DLGAP2: variants seen among roughly 807,000 people sequenced by gnomAD.
DLGAP2 encodes disks large-associated protein 2.
Under a neutral mutation model 100.3 loss-of-function variants are expected in DLGAP2, and 26 were observed. The observed-to-expected ratio is 0.26, with a 90% confidence interval of 0.19 to 0.36. DLGAP2 has a LOEUF of 0.36. Ranked by LOEUF, DLGAP2 falls within the 10% of genes least tolerant of loss-of-function variation. The probability of loss-of-function intolerance (pLI) is 1.00; values close to 1 mark genes in which losing one functional copy is unlikely to be tolerated. For synonymous variants in DLGAP2, 886 were observed against 630.1 expected, an observed-to-expected ratio of 1.41 and a Z score of -6.08; for missense variants, 1,858 against 1,453.2, an observed-to-expected ratio of 1.28 and a Z score of -4.53.
rs1482100738 is a variant in DLGAP2, at chr8:1,227,264, T to C, written c.74-31587T>C. ...CACAGAATGGGATATTATTCAGCCTTATAAAAATAAGATCCTTATGTAATG... is the reference window on the plus strand; with the variant it reads ...CACAGAATGGGATATTATTCAGCCTCATAAAAATAAGATCCTTATGTAATG... On this transcript the variant is annotated intron_variant, in intron 2 of 14. Coordinates refer to ENST00000637795, the MANE Select transcript of DLGAP2 (RefSeq NM_001346810.2). Among the ~76,000 whole-genome samples, 3 of 144,690 alleles carry C rather than the reference T, an allele frequency of 2.1e-5. No homozygotes were observed. In the East Asian group the frequency reaches 5.9e-4, roughly 29 times the overall value. The allele number at this position is 144,690 out of a possible 152,430, so 94.9% of individuals were successfully genotyped here.
intron 2 of DLGAP2, among the ~76,000 whole-genome samples, chr8:1,070,123 A>T (rs914295884): frequency 6.6e-6 from 1 of 152,140 alleles, no homozygotes; most frequent in Non-Finnish European, 1.5e-5. Context: ...AAAACCTGAG[A>T]AGGTTTTGGG....
chr8:1,538,587 G>A (rs568091894), intron 4 of DLGAP2, among the ~76,000 whole-genome samples: 1 of 152,280 alleles, frequency 6.6e-6, no homozygotes, highest in East Asian at 1.9e-4. Flanking sequence ...AACAGATAGG[G>A]AGGGGCTTAT....
chr8:875,553 C>A (rs1797674477), intron 1 of DLGAP2, among the ~76,000 whole-genome samples: 1 of 152,216 alleles, frequency 6.6e-6, no homozygotes, highest in African/African-American at 2.4e-5. Context: ...GCTTCCCCTT[C>A]CACCATGATT....
At chr8:985,302 C>T (rs750618962) in intron 2 of DLGAP2, among the ~76,000 whole-genome samples, 12 of 152,224 alleles carry the variant, frequency 7.9e-5, no homozygotes, top group Non-Finnish European at 1.3e-4. Context: ...GTAGAATGCT[C>T]ACTGTTGGCA....
chr8:1,509,941 G>A (rs527810190), intron 4 of DLGAP2, among the ~76,000 whole-genome samples: 44 of 152,288 alleles, frequency 2.9e-4, no homozygotes, highest in African/African-American at 9.6e-4. Context: ...GGACGCGGCC[G>A]CGGAGAGGAG....
chr8:945,622 G>T (rs971876763), intron 2 of DLGAP2, among the ~76,000 whole-genome samples: 3 of 152,120 alleles, frequency 2.0e-5, no homozygotes, highest in Admixed American at 6.6e-5. Context: ...GTAAGAGTTT[G>T]TTCCCCCAAA....
chr8:1,295,504 G>A (rs935343705), intron 3 of DLGAP2, among the ~76,000 whole-genome samples: 2 of 152,166 alleles, frequency 1.3e-5, no homozygotes, highest in African/African-American at 2.4e-5. Context: ...TGTCCACCGT[G>A]ATCTGCTGGA....
chr8:1,385,750 G>T (rs1320286454), intron 3 of DLGAP2, among the ~76,000 whole-genome samples: 18 of 139,546 alleles, frequency 1.3e-4, no homozygotes, highest in African/African-American at 2.5e-4. Context: ...AGTTACCCCG[G>T]CCTATGCCCA....
At chr8:1,496,695 C>G (rs912165400) in intron 3 of DLGAP2, among the ~76,000 whole-genome samples, 6 of 152,174 alleles carry the variant, frequency 3.9e-5, no homozygotes, top group African/African-American at 1.4e-4. Context: ...AGCCATTTCT[C>G]TGAAGCTCAA....
chr8:1,586,534 A>AC (rs1796125582), intron 6 of DLGAP2, among the ~76,000 whole-genome samples: 1 of 151,942 alleles, frequency 6.6e-6, no homozygotes, highest in Admixed American at 6.6e-5. Flanking sequence ...GATTCTCACT[A>AC]CCCCGGGGTC....
intron 1 of DLGAP2, among the ~76,000 whole-genome samples, chr8:810,574 G>A (rs1010202514): frequency 5.3e-5 from 8 of 152,176 alleles, no homozygotes; most frequent in Non-Finnish European, 7.3e-5. Context: ...TATGAGACAT[G>A]CTGTGCTGCA....
intron 1 of DLGAP2, among the ~76,000 whole-genome samples, chr8:804,796 C>CA (rs1796236764): frequency 6.6e-6 from 1 of 152,158 alleles, no homozygotes; most frequent in South Asian, 2.1e-4. Context: ...GACAGAGTCT[C>CA]ACTTTGTCAC....
intron 3 of DLGAP2, among the ~76,000 whole-genome samples, chr8:1,376,028 CTACATT>C (rs1219905589): frequency 4.1e-5 from 2 of 49,126 alleles, no homozygotes; most frequent in Non-Finnish European, 8.1e-5. Flanking sequence ...CCCCCACCTC[CTACATT>C]TGGGTTAACG....
At chr8:929,710 G>A (rs1029869728) in intron 2 of DLGAP2, among the ~76,000 whole-genome samples, 6 of 128,680 alleles carry the variant, frequency 4.7e-5, no homozygotes, top group Admixed American at 8.1e-5. Context: ...CCCACACCGC[G>A]GTACTCAAGC....
At position 1,025,160 on chromosome 8, in the gene DLGAP2, G is replaced by A. The variant is rs145888907; in HGVS notation, c.73+117194G>A. Among the ~76,000 whole-genome samples the A allele has an allele frequency of 4.2e-3, 640 of 152,108 alleles. 5 individuals carry two copies. The highest frequency in any genetic ancestry group is 0.017 in the Middle Eastern group (5 of 294). ...TGTGTGTGCGTGTGTGTGTGCGCAC[G>A]TGTGTGTGTCTTAATTAGTTGCATT... On this transcript the variant is annotated intron_variant, in intron 2 of 14. Coordinates refer to ENST00000637795, the MANE Select transcript of DLGAP2 (RefSeq NM_001346810.2).
At chr8:825,507 A>G (rs1443942686) in intron 1 of DLGAP2, among the ~76,000 whole-genome samples, 1 of 152,084 alleles carries the variant, frequency 6.6e-6, no homozygotes, top group East Asian at 1.9e-4. Flanking sequence ...AGCATTCCCC[A>G]CCCACTGAGA....
At chr8:1,166,050 G>C (rs1388589141) in intron 2 of DLGAP2, among the ~76,000 whole-genome samples, 2 of 152,302 alleles carry the variant, frequency 1.3e-5, no homozygotes, top group Admixed American at 6.5e-5. Context: ...ACCCATGGGT[G>C]CTCTTTGCCC....
In DLGAP2 at chr8:1,668,311, G is replaced by A. The variant is rs1163338599; in HGVS notation, c.1811-18G>A. On this transcript the variant is annotated intron_variant, in intron 8 of 14. Transcript: ENST00000637795. ...GGGAAGAACACGCCTGTTGACTTGG[G>A]ACTTTCTTTTCTTACAGCTGTCTCA... The A allele has an allele frequency of 3.4e-6, 5 of 1,465,334 alleles. No homozygotes were observed. The African/African-American group carries it at 5.7e-5, about 17-fold the overall frequency. 90.8% of individuals were successfully genotyped at this position (1,465,334 alleles called of 1,614,324 possible).
At chr8:1,101,698 GTCCTCGTC>G (rs1563192470) in intron 2 of DLGAP2, among the ~76,000 whole-genome samples, 2 of 147,772 alleles carry the variant, frequency 1.4e-5, no homozygotes, top group South Asian at 2.3e-4. Context: ...CGATGGGAAG[GTCCTCGTC>G]ACCCCGGAGC....
Sources: allele counts gnomAD v4.1 joint callset (sites outside exome capture counted in the v4.1 genomes callset), GRCh38; gene constraint gnomAD v4.1.1; transcripts MANE v1.5; gene names NCBI Gene and HGNC (gene_info 2026-07-23, HGNC 2026-07-21).